DMD: variants seen among roughly 807,000 people sequenced by gnomAD.
DMD encodes the protein dystrophin.
In DMD, 63 loss-of-function variants were observed where a neutral mutation model predicts 330.1. The observed-to-expected ratio is 0.19, with a 90% CI of 0.16 to 0.24. DMD has a LOEUF of 0.24. Among genes scored for constraint, DMD ranks in the 10% least tolerant of loss-of-function variants. The pLI is 1.00. For missense variants in DMD, 3,344 were observed against 2,684.1 expected, an observed-to-expected ratio of 1.25 and a Z score of -5.43; for synonymous variants, 1,223 against 959.8, an observed-to-expected ratio of 1.27 and a Z score of -5.07.
At chrX:33,209,988 A>C (rs73623925) in intron 1 of DMD, among the ~76,000 whole-genome samples, 3,236 of 110,303 alleles carry the variant, frequency 0.029, 113 homozygotes, top group African/African-American at 0.1. Context: ...AAAAACAAAA[A>C]ATAAAAATGT....
intron 12 of DMD, among the ~76,000 whole-genome samples, chrX:32,601,170 T>G (rs889711121): frequency 2.7e-5 from 3 of 111,470 alleles, no homozygotes; most frequent in Non-Finnish European, 5.7e-5. Context: ...TTATTTGCAG[T>G]GAAATATTCA....
chrX:33,043,416 A>G (rs1256499518), intron 1 of DMD, among the ~76,000 whole-genome samples: 2 of 111,783 alleles, frequency 1.8e-5, no homozygotes, highest in African/African-American at 6.5e-5. Flanking sequence ...TCTTTTTAGA[A>G]TGACTACTGA....
chrX:32,584,380 C>A (rs1225645626), intron 13 of DMD, among the ~76,000 whole-genome samples: 1 of 111,642 alleles, frequency 9.0e-6, no homozygotes, highest in African/African-American at 3.3e-5. Context: ...ATCTTGAAAG[C>A]TAAATATGCA....
intron 63 of DMD, among the ~76,000 whole-genome samples, chrX:31,235,952 T>C (rs1048752704): frequency 8.9e-6 from 1 of 112,739 alleles, no homozygotes; most frequent in Non-Finnish European, 1.9e-5. Context: ...CTCCTTGGTC[T>C]TTCTCTGCTA....
chrX:32,122,243 G>C (rs1449900965), intron 44 of DMD, among the ~76,000 whole-genome samples: 1 of 111,992 alleles, frequency 8.9e-6, no homozygotes, highest in Non-Finnish European at 1.9e-5. Context: ...ATCAAGGCCA[G>C]CAGCATCAGT....
At chrX:33,176,007 G>C (rs1018626420) in intron 1 of DMD, among the ~76,000 whole-genome samples, 3 of 111,139 alleles carry the variant, frequency 2.7e-5, no homozygotes, top group Non-Finnish European at 5.7e-5. Flanking sequence ...AGAAACCTGG[G>C]TGCAGTCAAA....
intron 29 of DMD, among the ~76,000 whole-genome samples, chrX:32,414,748 A>G (rs546942943): frequency 4.5e-5 from 5 of 112,277 alleles, no homozygotes; most frequent in African/African-American, 1.6e-4. Flanking sequence ...CAATAAATCT[A>G]TCTGTTTTTG....
At chrX:32,105,769 T>C (rs1253106850) in intron 44 of DMD, among the ~76,000 whole-genome samples, 2 of 111,721 alleles carry the variant, frequency 1.8e-5, no homozygotes, top group Non-Finnish European at 3.8e-5. Context: ...AATAAAAGGA[T>C]CGTGTACAAC....
chrX:31,123,675 A>ATCTT (rs776817848), intron 78 of DMD, among the ~76,000 whole-genome samples: 16 of 112,168 alleles, frequency 1.4e-4, no homozygotes, highest in African/African-American at 4.5e-4. Flanking sequence ...ATTACTAGCG[A>ATCTT]TCTTTACGGT....
At chrX:32,769,638 A>C (rs1334686774) in intron 7 of DMD, among the ~76,000 whole-genome samples, 1 of 111,999 alleles carries the variant, frequency 8.9e-6, no homozygotes, top group East Asian at 2.8e-4. Flanking sequence ...TTAAATAAGA[A>C]TTAATAGAAT....
intron 7 of DMD, among the ~76,000 whole-genome samples, chrX:32,805,012 C>G (rs938081009): frequency 4.5e-5 from 5 of 111,759 alleles, no homozygotes; most frequent in Non-Finnish European, 9.4e-5. Context: ...GAGGAAAAAC[C>G]AGCACAAAAA....
intron 9 of DMD, 146 bp from the exon 10 acceptor site, chrX:32,645,298 T>C (rs780752861): frequency 7.6e-4 from 459 of 602,117 alleles, no homozygotes; most frequent in Non-Finnish European, 1.1e-3. Flanking sequence ...ATACAGACAA[T>C]AGGGAGTTTT....
At chrX:32,082,391 G>GCTGT (rs1557119213) in intron 44 of DMD, among the ~76,000 whole-genome samples, 2 of 95,299 alleles carry the variant, frequency 2.1e-5, no homozygotes, top group Non-Finnish European at 4.2e-5. Context: ...ACCTCGCCCG[G>GCTGT]CTATCTATCT....
chrX:32,072,621 GT>G (rs2096309416), intron 44 of DMD, among the ~76,000 whole-genome samples: 1 of 111,277 alleles, frequency 9.0e-6, no homozygotes, highest in South Asian at 3.7e-4. Context: ...CTGGGATGTG[GT>G]AACAAATTAT....
intron 44 of DMD, among the ~76,000 whole-genome samples, chrX:32,184,794 A>AG (rs1246611440): frequency 9.7e-6 from 1 of 102,904 alleles, no homozygotes; most frequent in Non-Finnish European, 2.0e-5. Context: ...GCAAGTGGTT[A>AG]GAAAGGAGAA....
chrX:31,932,462 C>G (rs2094868530), intron 45 of DMD, among the ~76,000 whole-genome samples: 1 of 111,952 alleles, frequency 8.9e-6, no homozygotes, highest in Non-Finnish European at 1.9e-5. Flanking sequence ...TCAAAAATTC[C>G]TGGCCAGGCG....
chrX:32,379,541 T>C (rs889315189), intron 34 of DMD, among the ~76,000 whole-genome samples: 1 of 111,818 alleles, frequency 8.9e-6, no homozygotes, highest in African/African-American at 3.2e-5. Context: ...TTATCTAACA[T>C]TACATTTATT....
chrX:33,033,554 C>CAAAAAAAAAA (rs775790760), intron 1 of DMD, among the ~76,000 whole-genome samples: 8 of 74,499 alleles, frequency 1.1e-4, no homozygotes, highest in African/African-American at 2.8e-4. Context: ...ACTAAAAATA[C>CAAAAAAAAAA]AAAAAAAAAA....
intron 1 of DMD, among the ~76,000 whole-genome samples, chrX:33,218,738 C>T (rs889634626): frequency 2.2e-4 from 24 of 110,885 alleles, no homozygotes; most frequent in South Asian, 7.6e-4. Context: ...TGGCATAAAC[C>T]GTAGATCTTT....
Sources: allele counts gnomAD v4.1 joint callset (sites outside exome capture counted in the v4.1 genomes callset), GRCh38; gene constraint gnomAD v4.1.1; transcripts MANE v1.5; gene names NCBI Gene and HGNC (gene_info 2026-07-23, HGNC 2026-07-21).